The following DCP2 variants were observed in gnomAD, a reference collection of about 807,000 sequenced individuals.
DCP2 encodes decapping mRNA 2.
In DCP2, 30 loss-of-function variants were observed where a neutral mutation model predicts 56.1. The observed-to-expected ratio is 0.53, with a 90% CI of 0.40 to 0.73. DCP2 has a LOEUF of 0.73. DCP2 is among the 30% of genes least tolerant of loss of function. The pLI is 0.00. For synonymous variants in DCP2, 197 were observed against 163.3 expected, an observed-to-expected ratio of 1.21 and a Z score of -1.57; for missense variants, 533 against 502.7, an observed-to-expected ratio of 1.06 and a Z score of -0.58.
rs901001126 is a variant in DCP2 at position 113,016,073 on chromosome 5, G to T, written c.*2589G>T. 6.6e-6 allele frequency: 1 copy of T among 152,624 alleles called. No individual in the cohort carries two copies. Among genetic ancestry groups the T allele is most frequent in the Non-Finnish European group, 1.5e-5 (1 of 68,028 alleles). The allele number at this position is 152,624 out of a possible 1,614,324, so 9.5% of individuals were successfully genotyped here. On this transcript the variant is annotated 3_prime_UTR_variant, in exon 11 of 11. Coordinates refer to ENST00000389063, the MANE Select transcript of DCP2 (RefSeq NM_152624.6). Reference sequence around the variant, plus strand: ...TATATGTTCCAAGGTGCAGTGCACTGTGAATCTTTTATTTTTAAAAAAATT... The same window carrying T: ...TATATGTTCCAAGGTGCAGTGCACTTTGAATCTTTTATTTTTAAAAAAATT...
chr5:113,005,756 T>C (rs1216438412), intron 8 of DCP2, among the ~76,000 whole-genome samples: 1 of 152,248 alleles, frequency 6.6e-6, no homozygotes, highest in African/African-American at 2.4e-5. Flanking sequence ...ACAACTCATA[T>C]GCCTGTCAAC....
At chr5:112,977,044 C>A (rs1016062554) in intron 1 of DCP2, 58 bp downstream of exon 1, 2 of 1,385,082 alleles carry the variant, frequency 1.4e-6, no homozygotes, top group Non-Finnish European at 1.9e-6. Flanking sequence ...TTCGCGGACC[C>A]CCAGAGGCCT....
intron 1 of DCP2, among the ~76,000 whole-genome samples, chr5:112,982,427 C>T (rs1748050467): frequency 6.6e-6 from 1 of 152,176 alleles, no homozygotes; most frequent in Non-Finnish European, 1.5e-5. Flanking sequence ...TATCATGTTT[C>T]ATCCTTTCTT....
At chr5:112,985,717 A>G (rs963729858) in intron 1 of DCP2, 118 bp from the exon 2 acceptor site, 1 of 1,117,934 alleles carries the variant, frequency 8.9e-7, no homozygotes, top group African/African-American at 1.6e-5. Context: ...TTCCTTGAAC[A>G]GTACTGCTCT....
chr5:113,015,396 A>C lies in DCP2; in HGVS notation c.*1912A>C, dbSNP rs1022340260. On this transcript the variant is annotated 3_prime_UTR_variant, in exon 11 of 11. Coordinates refer to ENST00000389063, the MANE Select transcript of DCP2 (RefSeq NM_152624.6). ...TTCTTTTTAAGTGCATACTTTGGCCAGTCTTCCTGGTGCCTGTAGAGTTGG... is the reference window on the plus strand; with the variant it reads ...TTCTTTTTAAGTGCATACTTTGGCCCGTCTTCCTGGTGCCTGTAGAGTTGG... 6.6e-6 allele frequency: 1 copy of C among 151,536 alleles called. No homozygotes were observed. Among genetic ancestry groups the C allele is most frequent in the Non-Finnish European group, 1.5e-5 (1 of 67,832 alleles). 9.4% of individuals were successfully genotyped at this position (151,536 alleles called of 1,614,324 possible). A position where few individuals can be genotyped will look rare whatever the true frequency, so the allele number is the denominator to read the frequency against.
At chr5:112,992,941 A>G (rs1231048508) in intron 4 of DCP2, among the ~76,000 whole-genome samples, 171 bp downstream of exon 4, 1 of 149,450 alleles carries the variant, frequency 6.7e-6, no homozygotes, top group Non-Finnish European at 1.5e-5. Flanking sequence ...TTTTATCCAC[A>G]TCTCTTTTCA....
At chr5:112,978,330 CTCAG>C (rs1561681016) in intron 1 of DCP2, among the ~76,000 whole-genome samples, 1 of 152,178 alleles carries the variant, frequency 6.6e-6, no homozygotes, top group Non-Finnish European at 1.5e-5. Context: ...TTATTTAATC[CTCAG>C]TCAGCCGTGT....
intron 8 of DCP2, among the ~76,000 whole-genome samples, chr5:113,007,281 A>G (rs1266611561): frequency 6.6e-6 from 1 of 152,166 alleles, no homozygotes; most frequent in East Asian, 1.9e-4. Flanking sequence ...AACTGTAGCT[A>G]ATGTCCCTCG....
intron 6 of DCP2, 39 bp downstream of exon 6, chr5:113,001,508 G>A: frequency 6.2e-7 from 1 of 1,605,966 alleles, no homozygotes; most frequent in Non-Finnish European, 8.5e-7. Context: ...TTCATGATTG[G>A]GATAGTCATC....
At chr5:112,983,042 GATTA>G (rs1027082098) in intron 1 of DCP2, among the ~76,000 whole-genome samples, 28 of 152,152 alleles carry the variant, frequency 1.8e-4, no homozygotes, top group African/African-American at 6.5e-4. Flanking sequence ...TATCAGTGTT[GATTA>G]ATCAAGTTGG....
intron 4 of DCP2, among the ~76,000 whole-genome samples, chr5:112,993,801 G>A (rs1263200470): frequency 6.6e-6 from 1 of 151,994 alleles, no homozygotes; most frequent in Admixed American, 6.6e-5. Context: ...CTAACTCTGT[G>A]TATAGGGCTT....
intron 1 of DCP2, among the ~76,000 whole-genome samples, chr5:112,978,314 A>G (rs931623476): frequency 1.3e-5 from 2 of 152,056 alleles, no homozygotes; most frequent in Non-Finnish European, 2.9e-5. Flanking sequence ...CTTTACATGT[A>G]TTGTTTTATT....
intron 4 of DCP2, among the ~76,000 whole-genome samples, chr5:112,994,744 T>G (rs1415190458): frequency 2.0e-5 from 3 of 152,210 alleles, no homozygotes; most frequent in African/African-American, 7.2e-5. Flanking sequence ...AAGATTTTTG[T>G]TCTAGCATAC....
chr5:112,996,797 G>T (rs938821299), intron 4 of DCP2, among the ~76,000 whole-genome samples: 3 of 152,006 alleles, frequency 2.0e-5, no homozygotes, highest in Non-Finnish European at 4.4e-5. Flanking sequence ...ACTATTTCTG[G>T]ATAGTTTATT....
intron 8 of DCP2, among the ~76,000 whole-genome samples, chr5:113,005,998 C>T (rs1180023041): frequency 6.6e-6 from 1 of 151,476 alleles, no homozygotes; most frequent in Non-Finnish European, 1.5e-5. Context: ...TGGTGGTGCA[C>T]ACCTGTAGTT....
In DCP2 at chr5:113,016,591, A is replaced by G. The variant is rs978426915; in HGVS notation, c.*3107A>G. 1.3e-5 allele frequency: 2 copies of G among 152,196 alleles called. No individual in the cohort carries two copies. The highest frequency in any genetic ancestry group is 4.8e-5 in the African/African-American group (2 of 41,442). 9.4% of individuals were successfully genotyped at this position (152,196 alleles called of 1,614,324 possible). On this transcript the variant is annotated 3_prime_UTR_variant, in exon 11 of 11. Transcript: ENST00000389063. ...TGTAATGTCAAATAAAAGGAATTCA[A>G]ATCTGAGTAAATAACAGCCTCCTAC...
intron 8 of DCP2, among the ~76,000 whole-genome samples, chr5:113,006,341 G>C (rs1183850027): frequency 1.3e-5 from 2 of 152,092 alleles, no homozygotes; most frequent in African/African-American, 4.8e-5. Context: ...GTTTTTGTTT[G>C]GGATGATAAA....
chr5:113,018,156 T>A lies in DCP2; in HGVS notation c.*4672T>A, dbSNP rs1199542987. The A allele has an allele frequency of 6.6e-6, 1 of 152,186 alleles. No homozygotes were observed. Among genetic ancestry groups the A allele is most frequent in the African/African-American group, 2.4e-5 (1 of 41,450 alleles). The allele number at this position is 152,186 out of a possible 1,614,324, so 9.4% of individuals were successfully genotyped here. On this transcript the variant is annotated 3_prime_UTR_variant, in exon 11 of 11. Coordinates refer to ENST00000389063, the MANE Select transcript of DCP2 (RefSeq NM_152624.6). The stretch of plus-strand genomic sequence containing the variant: ...TTCCATCTAACTTCCTTGTGACAAA[T>A]AGCATTTACTATTGAAATAGTCTTA...
chr5:112,991,691 C>G (rs1020182223), intron 2 of DCP2, among the ~76,000 whole-genome samples: 11 of 152,104 alleles, frequency 7.2e-5, no homozygotes, highest in African/African-American at 2.7e-4. Flanking sequence ...TTCTTGCTAT[C>G]ACTTTATATA....
Sources: allele counts gnomAD v4.1 joint callset (sites outside exome capture counted in the v4.1 genomes callset), GRCh38; gene constraint gnomAD v4.1.1; transcripts MANE v1.5; gene names NCBI Gene and HGNC (gene_info 2026-07-23, HGNC 2026-07-21).